The following HDAC9 variants were observed in gnomAD, a reference collection of about 807,000 sequenced individuals.
HDAC9 encodes MEF-2 interacting transcription repressor (MITR) protein.
In HDAC9, 41 loss-of-function variants were observed where a neutral mutation model predicts 139.4. The ratio of observed to expected loss-of-function variants is 0.29; its 90% CI spans 0.23 to 0.38. The LOEUF (loss-of-function observed/expected upper bound fraction) is 0.38, where lower values mean the gene tolerates loss of function less well. Ranked by LOEUF, HDAC9 falls within the 10% of genes least tolerant of loss-of-function variation. The pLI is 1.00. For synonymous variants in HDAC9, 517 were observed against 476.2 expected (o/e 1.09, Z -1.12); for missense variants, 1,147 against 1,297.0 (o/e 0.88, Z 1.78).
intron 2 of HDAC9, among the ~76,000 whole-genome samples, chr7:18,576,027 A>G (rs996379654): frequency 8.5e-5 from 13 of 152,374 alleles, no homozygotes; most frequent in African/African-American, 2.9e-4. Flanking sequence ...AAACATCTAT[A>G]TTAAATCATG....
chr7:18,978,712 A>T (rs932618223), intron 25 of HDAC9, among the ~76,000 whole-genome samples: 1 of 152,190 alleles, frequency 6.6e-6, no homozygotes, highest in Admixed American at 6.5e-5. Flanking sequence ...GTTTGCTAGG[A>T]ATGTGTACCT....
chr7:18,121,086 A>G (rs1038533449), intron 1 of HDAC9, among the ~76,000 whole-genome samples: 2 of 152,220 alleles, frequency 1.3e-5, no homozygotes, highest in South Asian at 4.1e-4. Context: ...ATAAATCTCA[A>G]TTTTGGGACA....
chr7:18,903,960 C>T (rs1037506402), intron 22 of HDAC9, among the ~76,000 whole-genome samples: 16 of 152,098 alleles, frequency 1.1e-4, no homozygotes, highest in Non-Finnish European at 1.3e-4. Flanking sequence ...CAACTGGCAA[C>T]AAATCTAGGA....
chr7:18,377,931 A>G (rs1010152657), intron 1 of HDAC9, among the ~76,000 whole-genome samples: 2 of 152,186 alleles, frequency 1.3e-5, no homozygotes, highest in Admixed American at 1.3e-4. Flanking sequence ...AAATGGTTTA[A>G]TTTTACATCT....
intron 1 of HDAC9, among the ~76,000 whole-genome samples, chr7:18,391,870 C>T (rs1207163365): frequency 6.6e-6 from 1 of 152,194 alleles, no homozygotes; most frequent in African/African-American, 2.4e-5. Flanking sequence ...CATGAGTTCA[C>T]ACAGGCCTAG....
intron 22 of HDAC9, among the ~76,000 whole-genome samples, chr7:18,919,048 C>A (rs1278745995): frequency 6.6e-6 from 1 of 151,896 alleles, no homozygotes; most frequent in Non-Finnish European, 1.5e-5. Context: ...AAACTTTTTG[C>A]AATAAATACT....
intron 17 of HDAC9, among the ~76,000 whole-genome samples, chr7:18,803,189 T>C (rs925737658): frequency 2.0e-5 from 3 of 152,064 alleles, no homozygotes; most frequent in Non-Finnish European, 4.4e-5. Context: ...AACCTACTTA[T>C]AACACATCCT....
chr7:18,356,694 G>A (rs1783335314), intron 1 of HDAC9, among the ~76,000 whole-genome samples: 1 of 152,038 alleles, frequency 6.6e-6, no homozygotes, highest in South Asian at 2.1e-4. Context: ...GAATAAAACC[G>A]GTATTTGCAC....
At chr7:18,674,840 CAGCCCATGGT>C (rs913282050) in intron 12 of HDAC9, among the ~76,000 whole-genome samples, 2 of 151,824 alleles carry the variant, frequency 1.3e-5, no homozygotes, top group Non-Finnish European at 2.9e-5. Context: ...TTTTCATTTT[CAGCCCATGGT>C]AAATGATGGA....
rs73307052 is a variant in HDAC9, at chr7:18,967,287, T to A, written c.3023-8519T>A. On this transcript the variant is annotated intron_variant, in intron 24 of 25. Transcript: ENST00000686413. ...GATAAAATGACTACGATTAAAAATTTTGTAAATCAATTTTCAGTTTCTGGT... is the reference window on the plus strand; with the variant it reads ...GATAAAATGACTACGATTAAAAATTATGTAAATCAATTTTCAGTTTCTGGT... 5.4e-3 allele frequency among the ~76,000 whole-genome samples: 825 copies of A among 152,340 alleles called. 7 individuals are homozygous for A. Among genetic ancestry groups the A allele is most frequent in the African/African-American group, 0.019 (785 of 41,574 alleles).
intron 1 of HDAC9, among the ~76,000 whole-genome samples, chr7:18,119,389 G>A (rs1306793204): frequency 6.6e-6 from 1 of 152,202 alleles, no homozygotes; most frequent in African/African-American, 2.4e-5. Flanking sequence ...AATATGAAAG[G>A]CAGTCTGTTC....
At chr7:18,975,764 G>T (rs1784510596) in intron 24 of HDAC9, 42 bp from the exon 25 acceptor site, 2 of 1,592,030 alleles carry the variant, frequency 1.3e-6, no homozygotes, top group South Asian at 2.2e-5. Context: ...TATTACTGCT[G>T]TAATTACAAT....
At chr7:18,967,465 G>A (rs1435982065) in intron 24 of HDAC9, among the ~76,000 whole-genome samples, 1 of 142,112 alleles carries the variant, frequency 7.0e-6, no homozygotes, top group African/African-American at 2.7e-5. Flanking sequence ...TCAATTTATG[G>A]AATCAAAGCA....
chr7:18,981,762 C>G (rs1003731585), intron 25 of HDAC9, among the ~76,000 whole-genome samples: 8 of 152,046 alleles, frequency 5.3e-5, no homozygotes, highest in African/African-American at 1.9e-4. Flanking sequence ...ACCTTATCAC[C>G]CCTAACTTTA....
chr7:18,666,059 A>C (rs143138659), intron 11 of HDAC9, among the ~76,000 whole-genome samples, 154 bp from the exon 12 acceptor site: 493 of 152,276 alleles, frequency 3.2e-3, no homozygotes, highest in Non-Finnish European at 4.3e-3. Context: ...ATTTAGTATT[A>C]CTGAGGAAAC....
intron 16 of HDAC9, 200 bp from the exon 17 acceptor site, chr7:18,793,145 C>T (rs1792478350): frequency 3.5e-6 from 2 of 563,856 alleles, no homozygotes; most frequent in Non-Finnish European, 3.2e-6. Flanking sequence ...AAGCCATGTC[C>T]AGAAGGCCTT....
chr7:18,158,993 C>G (rs775799219), intron 1 of HDAC9, among the ~76,000 whole-genome samples: 1 of 152,176 alleles, frequency 6.6e-6, no homozygotes, highest in Non-Finnish European at 1.5e-5. Flanking sequence ...GCAAAGGACT[C>G]TTAGTCTTTT....
At chr7:18,956,262 T>A (rs1783136716) in intron 24 of HDAC9, among the ~76,000 whole-genome samples, 1 of 152,098 alleles carries the variant, frequency 6.6e-6, no homozygotes, top group Non-Finnish European at 1.5e-5. Flanking sequence ...CTTGGAGCAT[T>A]ACTGATGATC....
chr7:18,211,035 T>C (rs1029713504), intron 2 of HDAC9, among the ~76,000 whole-genome samples: 1 of 152,200 alleles, frequency 6.6e-6, no homozygotes, highest in Non-Finnish European at 1.5e-5. Flanking sequence ...TAGTTACCAG[T>C]CAAGATGTAT....
Sources: gnomAD v4.1 joint callset for allele counts (sites outside exome capture counted in the v4.1 genomes callset) on GRCh38, gnomAD v4.1.1 for gene constraint, MANE v1.5 for transcripts, NCBI Gene and HGNC (gene_info 2026-07-23, HGNC 2026-07-21) for gene names.